FAM13C: variants seen among roughly 807,000 people sequenced by gnomAD.
The protein encoded by FAM13C is protein FAM13C.
Under a neutral mutation model 73.2 loss-of-function variants are expected in FAM13C, and 37 were observed. That is an observed-to-expected ratio of 0.51 (90% confidence interval 0.39 to 0.67). The LOEUF is 0.67. FAM13C is among the 30% of genes least tolerant of loss of function. The probability of loss-of-function intolerance (pLI) is 0.00; values close to 1 mark genes in which losing one functional copy is unlikely to be tolerated. For synonymous variants in FAM13C, 246 were observed against 260.9 expected (o/e 0.94, Z 0.55); for missense variants, 589 against 715.6 (o/e 0.82, Z 2.02).
At chr10:59,362,370 G>A in intron 1 of FAM13C, 29 bp downstream of exon 1, 1 of 1,611,908 alleles carries the variant, frequency 6.2e-7, no homozygotes, top group Non-Finnish European at 8.5e-7. Flanking sequence ...AGGCATGCAA[G>A]TCTAATTTTA....
intron 10 of FAM13C, among the ~76,000 whole-genome samples, chr10:59,261,488 A>G (rs1842497948): frequency 6.6e-6 from 1 of 152,194 alleles, no homozygotes; most frequent in African/African-American, 2.4e-5. Context: ...TCATTTGAAA[A>G]TTAAATATGC....
At chr10:59,328,418 T>G (rs985424455) in intron 3 of FAM13C, among the ~76,000 whole-genome samples, 4 of 152,234 alleles carry the variant, frequency 2.6e-5, no homozygotes, top group Non-Finnish European at 5.9e-5. Flanking sequence ...CTAGTTTTGA[T>G]CAAATGGCAT....
chr10:59,297,474 A>C (rs907650736), intron 5 of FAM13C, among the ~76,000 whole-genome samples: 1 of 152,068 alleles, frequency 6.6e-6, no homozygotes, highest in East Asian at 1.9e-4. Flanking sequence ...AAAAGACAAC[A>C]CCATCCTTTC....
intron 5 of FAM13C, among the ~76,000 whole-genome samples, chr10:59,300,142 C>CG (rs1445560897): frequency 6.6e-6 from 1 of 152,072 alleles, no homozygotes; most frequent in Non-Finnish European, 1.5e-5. Flanking sequence ...GAGAAGACCT[C>CG]GGGTCAAGTG....
intron 4 of FAM13C, among the ~76,000 whole-genome samples, chr10:59,321,907 T>C (rs1456080787): frequency 1.3e-5 from 2 of 152,098 alleles, no homozygotes; most frequent in African/African-American, 4.8e-5. Context: ...ATTATATTAA[T>C]AGCATTCTCC....
At chr10:59,339,639 T>G (rs1031260949) in intron 3 of FAM13C, among the ~76,000 whole-genome samples, 1 of 152,132 alleles carries the variant, frequency 6.6e-6, no homozygotes, top group African/African-American at 2.4e-5. Context: ...AAAGGCTCCC[T>G]TAGGCACAGT....
chr10:59,334,586 G>A (rs914441543), intron 3 of FAM13C, among the ~76,000 whole-genome samples: 8 of 152,086 alleles, frequency 5.3e-5, no homozygotes, highest in South Asian at 2.1e-4. Context: ...CCATAAAAAA[G>A]GATGAGTTCA....
At chr10:59,315,819 G>A (rs1849464879) in intron 4 of FAM13C, among the ~76,000 whole-genome samples, 1 of 152,144 alleles carries the variant, frequency 6.6e-6, no homozygotes, top group Admixed American at 6.5e-5. Context: ...ACCATCCTAT[G>A]ATTCCAACAC....
At chr10:59,260,581 C>T (rs987076858) in intron 10 of FAM13C, among the ~76,000 whole-genome samples, 2 of 152,142 alleles carry the variant, frequency 1.3e-5, no homozygotes, top group Admixed American at 6.6e-5. Context: ...AAACTATACC[C>T]ATATTTTCTA....
chr10:59,294,327 G>A (rs1046358016), intron 5 of FAM13C, among the ~76,000 whole-genome samples: 3 of 152,202 alleles, frequency 2.0e-5, no homozygotes, highest in South Asian at 2.1e-4. Context: ...TCATGCCAGA[G>A]AAAACAGGAG....
Position 59,261,820 on chromosome 10 carries a change from T to C in FAM13C, c.1236+614A>G, listed in dbSNP as rs1055387649. Among the ~76,000 whole-genome samples the C allele has an allele frequency of 2.0e-5, 3 of 152,274 alleles. No individual in the cohort carries two copies. The South Asian group carries it at 6.2e-4, about 32-fold the overall frequency. On this transcript the variant is annotated intron_variant, in intron 10 of 13. Transcript: ENST00000618804. ...GAGAGATTAACCAGGTAAATACTAA[T>C]CAGTCTTTTCTTCTTTGTAAAATAT... is the stretch of plus-strand genomic sequence containing the variant.
chr10:59,285,476 A>G (rs914584427), intron 5 of FAM13C, among the ~76,000 whole-genome samples: 4 of 152,236 alleles, frequency 2.6e-5, no homozygotes, highest in African/African-American at 9.6e-5. Context: ...TACCCTGAAG[A>G]TTAACAAATA....
chr10:59,351,968 C>A (rs1031000093), intron 3 of FAM13C, among the ~76,000 whole-genome samples: 9 of 151,790 alleles, frequency 5.9e-5, no homozygotes, highest in Non-Finnish European at 1.2e-4. Context: ...TGTGCTCCAG[C>A]CTGGGGGATA....
intron 2 of FAM13C, 57 bp downstream of exon 2, chr10:59,355,830 C>T: frequency 1.3e-6 from 2 of 1,492,624 alleles, no homozygotes; most frequent in East Asian, 4.5e-5. Flanking sequence ...GGAAAGCCAC[C>T]AGACCTAGAT....
chr10:59,263,042 C>A (rs772842306), intron 9 of FAM13C, among the ~76,000 whole-genome samples: 1 of 152,058 alleles, frequency 6.6e-6, no homozygotes, highest in African/African-American at 2.4e-5. Context: ...CCTGTGGAAA[C>A]GCAAATAATT....
At chr10:59,362,359 A>G in intron 1 of FAM13C, 40 bp downstream of exon 1, 2 of 1,607,936 alleles carry the variant, frequency 1.2e-6, no homozygotes, top group Non-Finnish European at 1.7e-6. Flanking sequence ...CTTCCAGAGA[A>G]AGGCATGCAA....
chr10:59,295,770 G>C (rs1182773604), intron 5 of FAM13C, among the ~76,000 whole-genome samples: 1 of 152,172 alleles, frequency 6.6e-6, no homozygotes, highest in Non-Finnish European at 1.5e-5. Flanking sequence ...AAAAGGGGCT[G>C]ACCTAAATAA....
chr10:59,274,177 C>A (rs887375710), intron 6 of FAM13C, among the ~76,000 whole-genome samples: 2 of 151,954 alleles, frequency 1.3e-5, no homozygotes, highest in African/African-American at 2.4e-5. Flanking sequence ...CACCCACACA[C>A]AGAGGGCCAG....
At chr10:59,251,241 G>A (rs1841345487) in intron 13 of FAM13C, 1 of 372,882 alleles carries the variant, frequency 2.7e-6, no homozygotes, top group African/African-American at 2.1e-5. Flanking sequence ...CAACAAAGCA[G>A]TTATGTGGGC....
Sources: allele counts gnomAD v4.1 joint callset (sites outside exome capture counted in the v4.1 genomes callset), GRCh38; gene constraint gnomAD v4.1.1; transcripts MANE v1.5; gene names NCBI Gene and HGNC (gene_info 2026-07-23, HGNC 2026-07-21).